Variants in ICE2 observed in about 807,000 individuals in gnomAD.
The protein encoded by ICE2 is interactor of little elongation complex ELL subunit 2.
Under a neutral mutation model 105.4 loss-of-function variants are expected in ICE2, and 87 were observed. The observed-to-expected ratio is 0.83, with a 90% CI of 0.69 to 0.99. ICE2 has a LOEUF of 0.99. ICE2 is among the 50% of genes least tolerant of loss of function. The probability of loss-of-function intolerance (pLI) is 0.00; values close to 1 mark genes in which losing one functional copy is unlikely to be tolerated. For missense variants in ICE2, 1,323 were observed against 1,146.7 expected (o/e 1.15, Z -2.22); for synonymous variants, 399 against 392.0 (o/e 1.02, Z -0.21).
At chr15:60,453,336 C>T in intron 9 of ICE2, 1 of 1,196,272 alleles carries the variant, frequency 8.4e-7, no homozygotes. Context: ...AAAACGTGCT[C>T]AGCCTTTAAC....
chr15:60,471,621 T>C (rs572136170), intron 3 of ICE2, among the ~76,000 whole-genome samples: 4 of 152,352 alleles, frequency 2.6e-5, no homozygotes, highest in Admixed American at 2.6e-4. Context: ...GATCATTTCC[T>C]TGTGCAGTGC....
At chr15:60,467,991 G>A in intron 4 of ICE2, 70 bp downstream of exon 4, 1 of 1,356,394 alleles carries the variant, frequency 7.4e-7, no homozygotes, top group South Asian at 1.7e-5. Context: ...AAACATAAAT[G>A]TAAATTTAAG....
intron 13 of ICE2, among the ~76,000 whole-genome samples, chr15:60,435,770 G>A (rs1408927160): frequency 6.6e-6 from 1 of 152,104 alleles, no homozygotes; most frequent in African/African-American, 2.4e-5. Flanking sequence ...GAGTCCAGGG[G>A]TTTGAGACCA....
At chr15:60,442,237 G>T (rs2063734272) in intron 12 of ICE2, 179 bp downstream of exon 12, 2 of 509,044 alleles carry the variant, frequency 3.9e-6, no homozygotes, top group Non-Finnish European at 6.7e-6. Context: ...AGGTTACAGT[G>T]AGCTATGATC....
chr15:60,468,108 T>C lies in ICE2; in HGVS notation c.361A>G (p.Asn121Asp), dbSNP rs2064480786. The change falls in exon 4 of 16, where the codon AAT becomes GAT. Residue 121 changes from asparagine (N) to aspartate (D), a missense_variant. By Grantham distance (23) the Asn-to-Asp change is conservative. Transcript: ENST00000261520. ...LLVKYAKIPA[N>D]SKAVGINKND... ...TTATTTATTCCAACAGCTTTGGAAT[T>C]TGCAGGAATCTTTGCGTATTTAACC... 1 of 1,613,932 alleles carries C rather than the reference T, an allele frequency of 6.2e-7. No homozygotes were observed. The highest frequency in any genetic ancestry group is 8.5e-7 in the Non-Finnish European group (1 of 1,179,870).
chr15:60,453,565 G>C (rs1392424656), intron 9 of ICE2, 38 bp downstream of exon 9: 4 of 1,602,704 alleles, frequency 2.5e-6, no homozygotes, highest in Admixed American at 1.7e-5. Flanking sequence ...GGATAAACAA[G>C]TACATTCCCC....
At position 60,456,819 on chromosome 15, in the gene ICE2, T is replaced by A. The variant is rs779312175; in HGVS notation, c.529-25A>T. The stretch of plus-strand genomic sequence containing the variant: ...TCTGAGAAACAGAAATTAAGAAAAA[T>A]TCATTTGTATTTCTCTAATAATGCA... On this transcript the variant is annotated intron_variant, in intron 5 of 15. Transcript: ENST00000261520. 6 of 1,402,352 alleles carry A rather than the reference T, an allele frequency of 4.3e-6. No individual in the cohort carries two copies. In the Admixed American group the frequency reaches 1.6e-4, roughly 36 times the overall value. 86.9% of individuals were successfully genotyped at this position (1,402,352 alleles called of 1,614,324 possible).
chr15:60,419,680 C>T lies in ICE2; in HGVS notation c.*3954G>A, dbSNP rs375733803. 5 of 152,008 alleles carry T rather than the reference C, an allele frequency of 3.3e-5. No homozygotes were observed. Among genetic ancestry groups the T allele is most frequent in the Admixed American group, 6.6e-5 (1 of 15,244 alleles). The allele number at this position is 152,008 out of a possible 1,614,324, so 9.4% of individuals were successfully genotyped here. A position where few individuals can be genotyped will look rare whatever the true frequency, so the allele number is the denominator to read the frequency against. ...ACTCAATAAATCTTAATATCAAATA[C>T]GTTAAGGTTTGATTAAAAACTACTA... On this transcript the variant is annotated 3_prime_UTR_variant, in exon 16 of 16. Transcript: ENST00000261520.
rs182777930 is a variant in ICE2, at chr15:60,475,855, A to C, written c.146+208T>G. Among the ~76,000 whole-genome samples the C allele has an allele frequency of 7.2e-3, 1,103 of 152,274 alleles. 10 individuals carry two copies. The highest frequency in any genetic ancestry group is 0.026 in the African/African-American group (1,073 of 41,552). ...TAAAAATATTGGGATAGTTTAGCAT[A>C]GTATTATAAAATACTATAAAATTGT... On this transcript the variant is annotated intron_variant, in intron 3 of 15. Transcript: ENST00000261520.
At chr15:60,454,916 T>C (rs1262648338) in intron 8 of ICE2, 87 bp downstream of exon 8, 1 of 1,232,754 alleles carries the variant, frequency 8.1e-7, no homozygotes, top group Non-Finnish European at 1.1e-6. Flanking sequence ...CCATGTGTTC[T>C]CATTGTTCAA....
Position 60,429,287 on chromosome 15 carries a change from C to T in ICE2, c.2562-600G>A, listed in dbSNP as rs573333320. On this transcript the variant is annotated intron_variant, in intron 14 of 15. Transcript: ENST00000261520. Reference sequence around the variant, plus strand: ...TCAAATTTATTTTCTATTAGATCTTCCACAATAAACCTTCAAGGCATATTA... The same window carrying T: ...TCAAATTTATTTTCTATTAGATCTTTCACAATAAACCTTCAAGGCATATTA... Among the ~76,000 whole-genome samples the T allele has an allele frequency of 2.6e-4, 39 of 152,262 alleles. No individual in the cohort carries two copies. In the South Asian group the frequency reaches 7.7e-3, roughly 30 times the overall value.
intron 12 of ICE2, chr15:60,438,720 T>C (rs958945528): frequency 6.6e-6 from 1 of 152,236 alleles, no homozygotes; most frequent in Non-Finnish European, 1.5e-5. Context: ...AGGATCTACC[T>C]ACTCAAGGAG....
At chr15:60,433,288 C>A (rs945256165) in intron 13 of ICE2, among the ~76,000 whole-genome samples, 1 of 151,732 alleles carries the variant, frequency 6.6e-6, no homozygotes, top group African/African-American at 2.4e-5. Context: ...GGGGTTTCAC[C>A]GTGTTAGCCA....
intron 14 of ICE2, among the ~76,000 whole-genome samples, chr15:60,429,093 T>C (rs756190669): frequency 6.6e-6 from 1 of 152,148 alleles, no homozygotes; most frequent in Admixed American, 6.5e-5. Flanking sequence ...GATGACTAGA[T>C]ACAAAAGTGA....
chr15:60,467,970 A>T, intron 4 of ICE2, 91 bp downstream of exon 4: 1 of 1,180,634 alleles, frequency 8.5e-7, no homozygotes, highest in Non-Finnish European at 1.1e-6. Flanking sequence ...AAAAAAAATG[A>T]CGGGACCTAA....
At chr15:60,467,934 C>T in intron 4 of ICE2, 127 bp downstream of exon 4, 3 of 848,648 alleles carry the variant, frequency 3.5e-6, no homozygotes, top group Non-Finnish European at 5.1e-6. Context: ...CCATTGCTCT[C>T]TCAATCTCCT....
At chr15:60,452,102 G>T in intron 9 of ICE2, 2 of 985,118 alleles carry the variant, frequency 2.0e-6, no homozygotes, top group Non-Finnish European at 1.2e-6. Flanking sequence ...GTTTCTTCTT[G>T]TTACTGCCTG....
At chr15:60,461,894 AC>A (rs1455107849) in intron 5 of ICE2, among the ~76,000 whole-genome samples, 1 of 152,172 alleles carries the variant, frequency 6.6e-6, no homozygotes, top group African/African-American at 2.4e-5. Context: ...CTCAAAGACT[AC>A]CAGACTGACT....
chr15:60,426,859 C>T (rs921040490), intron 15 of ICE2, among the ~76,000 whole-genome samples: 1 of 152,198 alleles, frequency 6.6e-6, no homozygotes, highest in African/African-American at 2.4e-5. Flanking sequence ...TAGAAAAACA[C>T]AGATCCTTCA....
Sources: gnomAD v4.1 joint callset for allele counts (sites outside exome capture counted in the v4.1 genomes callset) on GRCh38, gnomAD v4.1.1 for gene constraint, MANE v1.5 for transcripts, NCBI Gene and HGNC (gene_info 2026-07-23, HGNC 2026-07-21) for gene names.